The following SORBS2 variants were observed in gnomAD, a reference collection of about 807,000 sequenced individuals.
SORBS2 encodes sorbin and SH3 domain-containing protein 2.
In SORBS2, 46 loss-of-function variants were observed where a neutral mutation model predicts 97.7. The observed-to-expected ratio is 0.47, with a 90% CI of 0.37 to 0.60. The LOEUF is 0.60. Among genes scored for constraint, SORBS2 ranks in the 20% least tolerant of loss-of-function variants. SORBS2 has a pLI of 0.00. For synonymous variants in SORBS2, 476 were observed against 473.4 expected, an observed-to-expected ratio of 1.01 and a Z score of -0.07; for missense variants, 1,316 against 1,282.3, an observed-to-expected ratio of 1.03 and a Z score of -0.40.
At chr4:185,822,770 C>T (rs1435924619) in intron 1 of SORBS2, among the ~76,000 whole-genome samples, 1 of 152,200 alleles carries the variant, frequency 6.6e-6, no homozygotes, top group Non-Finnish European at 1.5e-5. Flanking sequence ...ATCCTGCAAA[C>T]CATGCCCCTT....
intron 1 of SORBS2, among the ~76,000 whole-genome samples, chr4:185,787,364 T>C (rs1445922949): frequency 6.6e-6 from 1 of 152,102 alleles, no homozygotes; most frequent in Non-Finnish European, 1.5e-5. Flanking sequence ...ACTGATGCAT[T>C]GGGGAACAGA....
chr4:185,732,561 C>T (rs1381727779), intron 2 of SORBS2, among the ~76,000 whole-genome samples: 1 of 152,112 alleles, frequency 6.6e-6, no homozygotes, highest in Admixed American at 6.5e-5. Flanking sequence ...GACATTAGGC[C>T]CCCTCCTGGG....
At chr4:185,774,433 C>G (rs188642594) in intron 2 of SORBS2, 12 of 152,206 alleles carry the variant, frequency 7.9e-5, no homozygotes, top group Non-Finnish European at 1.0e-4. Flanking sequence ...AAAAAGGAGA[C>G]TTTTTACTGA....
intron 1 of SORBS2, among the ~76,000 whole-genome samples, chr4:185,835,397 T>C (rs888018121): frequency 6.6e-6 from 1 of 152,358 alleles, no homozygotes; most frequent in South Asian, 2.1e-4. Flanking sequence ...ATTCTAACGG[T>C]GTTCAAAATT....
At chr4:185,808,160 A>G (rs2099164605) in intron 1 of SORBS2, among the ~76,000 whole-genome samples, 1 of 152,194 alleles carries the variant, frequency 6.6e-6, no homozygotes, top group Non-Finnish European at 1.5e-5. Context: ...GCTTTAAAGG[A>G]CAGCATGATA....
At chr4:185,927,384 AG>A (rs1338284569) in intron 1 of SORBS2, among the ~76,000 whole-genome samples, 2 of 151,974 alleles carry the variant, frequency 1.3e-5, no homozygotes, top group Non-Finnish European at 2.9e-5. Flanking sequence ...TCTGTCACCT[AG>A]GTTTTAAGCC....
intron 7 of SORBS2, among the ~76,000 whole-genome samples, chr4:185,621,294 T>G (rs907193793): frequency 2.0e-4 from 30 of 152,202 alleles, no homozygotes; most frequent in Non-Finnish European, 4.3e-4. Context: ...GATCATAAAT[T>G]TTAAATTACT....
intron 1 of SORBS2, among the ~76,000 whole-genome samples, chr4:185,831,233 C>T (rs1483456540): frequency 6.6e-6 from 1 of 152,150 alleles, no homozygotes; most frequent in Non-Finnish European, 1.5e-5. Flanking sequence ...TTCTTTCCTC[C>T]AAGACTCCTA....
At chr4:185,867,208 C>T (rs1022027235) in intron 1 of SORBS2, among the ~76,000 whole-genome samples, 1 of 152,116 alleles carries the variant, frequency 6.6e-6, no homozygotes, top group Non-Finnish European at 1.5e-5. Flanking sequence ...GATGGGGTTT[C>T]ACCATGTTGA....
At chr4:185,890,375 G>T (rs1332575533) in intron 1 of SORBS2, among the ~76,000 whole-genome samples, 1 of 152,178 alleles carries the variant, frequency 6.6e-6, no homozygotes, top group Non-Finnish European at 1.5e-5. Context: ...TGGGGACTCT[G>T]AAGCACTTAC....
At chr4:185,677,332 C>G in intron 4 of SORBS2, 1 of 1,552,316 alleles carries the variant, frequency 6.4e-7, no homozygotes, top group Non-Finnish European at 8.7e-7. Context: ...TGCCTGTAGT[C>G]CTCTTGTAGA....
At chr4:185,649,595 T>C (rs780233052) in exon 3 of SORBS2, 4 of 1,601,232 alleles carry the variant, frequency 2.5e-6, no homozygotes, top group Non-Finnish European at 2.6e-6. Context: ...TGGAAAGAGG[T>C]CTGTAGGTTT....
At chr4:185,804,590 T>A (rs75234854) in intron 1 of SORBS2, among the ~76,000 whole-genome samples, 2 of 152,204 alleles carry the variant, frequency 1.3e-5, no homozygotes, top group African/African-American at 4.8e-5. Context: ...AAGTCCCTAC[T>A]TTTTAGTATT....
chr4:185,604,053 T>C (rs979260407), intron 12 of SORBS2, among the ~76,000 whole-genome samples: 5 of 152,226 alleles, frequency 3.3e-5, no homozygotes, highest in South Asian at 4.1e-4. Flanking sequence ...TGAGCTAAGA[T>C]ACCTTAAATG....
intron 4 of SORBS2, among the ~76,000 whole-genome samples, chr4:185,636,349 T>C (rs948081917): frequency 6.6e-6 from 1 of 152,256 alleles, no homozygotes; most frequent in African/African-American, 2.4e-5. Context: ...CAGTCACTTT[T>C]GATTCAGTTC....
intron 1 of SORBS2, among the ~76,000 whole-genome samples, chr4:185,849,497 A>C (rs1345598567): frequency 1.4e-5 from 2 of 142,648 alleles, no homozygotes; most frequent in Non-Finnish European, 1.5e-5. Flanking sequence ...TGAGATTCTG[A>C]GAATTTTCCC....
At chr4:185,679,365 T>C (rs1224127535) in intron 2 of SORBS2, among the ~76,000 whole-genome samples, 4 of 152,192 alleles carry the variant, frequency 2.6e-5, no homozygotes, top group Non-Finnish European at 5.9e-5. Flanking sequence ...AATATAAAAG[T>C]CATTTTATAC....
chr4:185,658,917 A>G (rs2153471582), upstream of SORBS2, among the ~76,000 whole-genome samples: 1 of 152,208 alleles, frequency 6.6e-6, no homozygotes, highest in South Asian at 2.1e-4. Context: ...CATGCTAGCT[A>G]GGATGGTCCT....
intron 1 of SORBS2, among the ~76,000 whole-genome samples, chr4:185,937,169 C>CAGTGAGTGAGTG (rs75789532): frequency 2.4e-4 from 37 of 151,690 alleles, no homozygotes; most frequent in African/African-American, 7.3e-4. Flanking sequence ...GTGCTTCTGC[C>CAGTGAGTGAGTG]AGTGAGTGAG....
Sources: allele counts gnomAD v4.1 joint callset (sites outside exome capture counted in the v4.1 genomes callset), GRCh38; gene constraint gnomAD v4.1.1; transcripts MANE v1.5; gene names NCBI Gene and HGNC (gene_info 2026-07-23, HGNC 2026-07-21).